The following CACHD1 variants were observed in gnomAD, a reference collection of about 807,000 sequenced individuals.
The protein encoded by CACHD1 is cache domain containing 1.
In CACHD1, 71 loss-of-function variants were observed where a neutral mutation model predicts 138.7. That is an observed-to-expected ratio of 0.51 (90% CI 0.42 to 0.62). The LOEUF (loss-of-function observed/expected upper bound fraction) is 0.62, where lower values mean the gene tolerates loss of function less well. CACHD1 is among the 20% of genes least tolerant of loss of function. CACHD1 has a pLI of 0.00. For missense variants in CACHD1, 1,389 were observed against 1,625.3 expected (o/e 0.85, Z 2.50); for synonymous variants, 578 against 591.5 (o/e 0.98, Z 0.33).
intron 3 of CACHD1, among the ~76,000 whole-genome samples, chr1:64,595,289 G>T (rs180772003): frequency 1.3e-5 from 2 of 152,144 alleles, no homozygotes; most frequent in East Asian, 1.9e-4. Context: ...CAACCTCTTG[G>T]GCTTTCTGTG....
chr1:64,629,558 T>C, intron 5 of CACHD1, 77 bp downstream of exon 5: 1 of 1,496,424 alleles, frequency 6.7e-7, no homozygotes, highest in Non-Finnish European at 9.0e-7. Flanking sequence ...TTCTCATTTC[T>C]ACTCATGGCT....
chr1:64,628,030 C>T (rs546032550), intron 4 of CACHD1, among the ~76,000 whole-genome samples: 3 of 152,240 alleles, frequency 2.0e-5, no homozygotes, highest in African/African-American at 7.2e-5. Context: ...CTTTGAGCTT[C>T]AGTTTCTTCA....
intron 1 of CACHD1, among the ~76,000 whole-genome samples, chr1:64,513,860 CAGATTTT>C (rs1646439848): frequency 6.6e-6 from 1 of 152,114 alleles, no homozygotes; most frequent in African/African-American, 2.4e-5. Context: ...GTTGGAAATC[CAGATTTT>C]TATAAGATGT....
chr1:64,675,962 A>G lies in CACHD1; in HGVS notation c.2954A>G (p.Asn985Ser), dbSNP rs1198237794. The G allele has an allele frequency of 7.0e-7, 1 of 1,429,270 alleles. No homozygotes were observed. The highest frequency in any genetic ancestry group is 2.1e-5 in the Admixed American group (1 of 46,642). 88.5% of individuals were successfully genotyped at this position (1,429,270 alleles called of 1,614,324 possible). Reference protein sequence around the residue: ...CPLEVNECTGNLTNAENRNPS... With the variant: ...CPLEVNECTGSLTNAENRNPS... ...CTAGAGGTCAATGAGTGCACTGGCA[A>G]CCTCACCAATGCAGAGAACCGGTAA... The change falls in exon 21 of 27, where the codon AAC becomes AGC. Residue 985 changes from asparagine (N) to serine (S), a missense_variant. By Grantham distance (46) the Asn-to-Ser change is conservative (BLOSUM62 1). Coordinates refer to ENST00000651257, the MANE Select transcript of CACHD1 (RefSeq NM_020925.4).
chr1:64,652,487 A>G (rs1293995232), intron 10 of CACHD1, among the ~76,000 whole-genome samples, 177 bp downstream of exon 10: 2 of 152,106 alleles, frequency 1.3e-5, no homozygotes, highest in African/African-American at 4.8e-5. Context: ...CAAATTACAC[A>G]TGTGTTTCTC....
intron 3 of CACHD1, among the ~76,000 whole-genome samples, chr1:64,586,939 C>T (rs368895275): frequency 5.9e-5 from 9 of 152,144 alleles, no homozygotes; most frequent in Non-Finnish European, 1.2e-4. Flanking sequence ...ATGAGGCAAA[C>T]GCTTTAAAAC....
chr1:64,523,525 A>G (rs1646513946), intron 1 of CACHD1, among the ~76,000 whole-genome samples: 1 of 152,226 alleles, frequency 6.6e-6, no homozygotes, highest in Non-Finnish European at 1.5e-5. Context: ...GTGAACAAAC[A>G]GTTCCTGGAA....
intron 1 of CACHD1, among the ~76,000 whole-genome samples, chr1:64,499,448 C>T (rs868648664): frequency 7.2e-5 from 11 of 152,146 alleles, no homozygotes; most frequent in Admixed American, 2.0e-4. Flanking sequence ...ACATGCAACC[C>T]TAGGGAGCTC....
intron 1 of CACHD1, among the ~76,000 whole-genome samples, chr1:64,533,341 GTGAGACCC>G (rs771642478): frequency 6.6e-5 from 10 of 152,232 alleles, no homozygotes; most frequent in Non-Finnish European, 1.5e-4. Context: ...GGGTGACAGA[GTGAGACCC>G]TGTCTCAAAA....
In CACHD1 at chr1:64,682,082, C is replaced by A; in HGVS notation, c.3562C>A (p.Arg1188=). The change falls in exon 26 of 27, where the codon CGA becomes AGA. Residue 1188 remains arginine (R), a synonymous_variant. Coordinates refer to ENST00000651257, the MANE Select transcript of CACHD1 (RefSeq NM_020925.4). ...AGAAAGAAGGCGCCGCTACTGGGGT[C>A]GATCAGGAACAGAAAGTGATCATGG... ...SPERRRRYWG[R]SGTESDHGYS... 1 of 1,614,000 alleles carries A rather than the reference C, an allele frequency of 6.2e-7. No individual in the cohort carries two copies. The highest frequency in any genetic ancestry group is 1.1e-5 in the South Asian group (1 of 91,044).
intron 3 of CACHD1, among the ~76,000 whole-genome samples, chr1:64,583,970 G>A (rs1484318296): frequency 1.3e-5 from 2 of 152,036 alleles, no homozygotes; most frequent in Non-Finnish European, 2.9e-5. Context: ...ACCATATTAG[G>A]TATAATCAAA....
At chr1:64,591,025 GTTGT>G (rs758791699) in intron 3 of CACHD1, among the ~76,000 whole-genome samples, 3 of 152,260 alleles carry the variant, frequency 2.0e-5, no homozygotes, top group South Asian at 4.1e-4. Flanking sequence ...AGTTTGTTTG[GTTGT>G]TTGTTTGTTT....
Position 64,678,289 on chromosome 1 carries a change from G to A in CACHD1, c.3223G>A (p.Val1075Ile), listed in dbSNP as rs371572990. 64 of 1,587,312 alleles carry A rather than the reference G, an allele frequency of 4.0e-5. No individual in the cohort carries two copies. Among genetic ancestry groups the A allele is most frequent in the Middle Eastern group, 1.7e-4 (1 of 5,966 alleles). Reference protein sequence around the residue: ...GGIVGAKSPYVDDMGAIGDEV... With the variant: ...GGIVGAKSPYIDDMGAIGDEV... ...GATTGTGGGAGCCAAAAGTCCCTAC[G>A]TTGATGACATGGGAGCAATAGGTAT... is the stretch of plus-strand genomic sequence containing the variant. The change falls in exon 23 of 27, where the codon GTT (valine) becomes ATT (isoleucine). Residue 1075 changes from valine to isoleucine, a missense_variant. Around this residue, in one of 5 missense-constraint regions of CACHD1, gnomAD observed 250 missense variants for 292.9 expected, o/e 0.85. Coordinates refer to ENST00000651257, the MANE Select transcript of CACHD1 (RefSeq NM_020925.4).
intron 1 of CACHD1, among the ~76,000 whole-genome samples, chr1:64,530,939 T>TG (rs896742424): frequency 3.3e-5 from 5 of 149,270 alleles, no homozygotes; most frequent in Admixed American, 6.7e-5. Context: ...TTTTGTTTTT[T>TG]TTTTTTTTAG....
At position 64,691,762 on chromosome 1, in the gene CACHD1, GCTGGTT is replaced by G; in HGVS notation, c.*205_*210del. ...ACAGTCACATTTGTGAAGATGTGAG[GCTGGTT>G]CTGAAATGGAGGGGAAATAAGCCTG... On this transcript the variant is annotated 3_prime_UTR_variant, in exon 27 of 27. Coordinates refer to ENST00000651257, the MANE Select transcript of CACHD1 (RefSeq NM_020925.4). 1.7e-6 allele frequency: 1 copy of G among 587,310 alleles called. No homozygotes were observed. The highest frequency in any genetic ancestry group is 2.1e-5 in the South Asian group (1 of 47,730). The allele number at this position is 587,310 out of a possible 1,614,324, so 36.4% of individuals were successfully genotyped here.
At chr1:64,534,072 C>A (rs1357569619) in intron 1 of CACHD1, among the ~76,000 whole-genome samples, 1 of 141,674 alleles carries the variant, frequency 7.1e-6, no homozygotes, top group African/African-American at 2.7e-5. Flanking sequence ...GAGACAGAGT[C>A]TCACTCTGTT....
chr1:64,513,739 T>C (rs991906909), intron 1 of CACHD1, among the ~76,000 whole-genome samples: 1 of 152,292 alleles, frequency 6.6e-6, no homozygotes, highest in Middle Eastern at 3.4e-3. Context: ...GTGACACAGC[T>C]GGAGATGGTA....
chr1:64,632,828 G>A (rs1160161170), intron 6 of CACHD1, 85 bp downstream of exon 6: 3 of 1,448,862 alleles, frequency 2.1e-6, no homozygotes, highest in Non-Finnish European at 2.9e-6. Context: ...GTGATATACA[G>A]ATCCTCCTTG....
chr1:64,664,159 C>T (rs922189051), intron 14 of CACHD1: 30 of 451,554 alleles, frequency 6.6e-5, no homozygotes, highest in Middle Eastern at 5.8e-4. Context: ...AGTGCCCCTG[C>T]TGTCTCTCGA....
Sources: gnomAD v4.1 joint callset for allele counts (sites outside exome capture counted in the v4.1 genomes callset) on GRCh38, gnomAD v4.1.1 for gene constraint, gnomAD v4.1.1 regional missense constraint, MANE v1.5 for transcripts, NCBI Gene and HGNC (gene_info 2026-07-23, HGNC 2026-07-21) for gene names.